The following ULK2 variants were observed in gnomAD, a reference collection of about 807,000 sequenced individuals.
ULK2 encodes serine/threonine-protein kinase ULK2.
In ULK2, 76 loss-of-function variants were observed where a neutral mutation model predicts 127.5. The observed-to-expected ratio is 0.60, with a 90% CI of 0.50 to 0.72. The LOEUF (loss-of-function observed/expected upper bound fraction) is 0.72. Ranked by LOEUF, ULK2 falls within the 30% of genes least tolerant of loss-of-function variation. The probability of loss-of-function intolerance (pLI) is 0.00; values close to 1 mark genes in which losing one functional copy is unlikely to be tolerated. For synonymous variants in ULK2, 452 were observed against 461.9 expected (o/e 0.98, Z 0.28); for missense variants, 1,144 against 1,295.9 (o/e 0.88, Z 1.80).
chr17:19,804,883 C>T, intron 14 of ULK2, 53 bp from the exon 15 acceptor site: 1 of 1,589,004 alleles, frequency 6.3e-7, no homozygotes, highest in Non-Finnish European at 8.6e-7. Flanking sequence ...GATTGTTTTT[C>T]TTTCATTTGA....
At chr17:19,829,240 A>C (rs2041370679) in intron 10 of ULK2, among the ~76,000 whole-genome samples, 1 of 152,214 alleles carries the variant, frequency 6.6e-6, no homozygotes, top group Non-Finnish European at 1.5e-5. Context: ...AAAGACAAAA[A>C]GTACGTTAAA....
intron 3 of ULK2, among the ~76,000 whole-genome samples, chr17:19,858,200 G>A (rs1291547784): frequency 1.3e-5 from 2 of 152,022 alleles, no homozygotes; most frequent in Non-Finnish European, 2.9e-5. Context: ...AGAAGTTTGA[G>A]ACCAGGCTGA....
At chr17:19,838,407 T>C in intron 10 of ULK2, 94 bp downstream of exon 10, 1 of 1,126,938 alleles carries the variant, frequency 8.9e-7, no homozygotes, top group Non-Finnish European at 1.3e-6. Context: ...AAAGTGAAAC[T>C]GACTTTAATT....
At chr17:19,804,236 G>A (rs202223882) in intron 15 of ULK2, among the ~76,000 whole-genome samples, 28 of 147,702 alleles carry the variant, frequency 1.9e-4, no homozygotes, top group Non-Finnish European at 1.6e-4. Flanking sequence ...AAAAGAAAAA[G>A]AAAAAAAAAA....
chr17:19,865,798 T>A lies in ULK2; in HGVS notation c.121A>T (p.Ile41Phe). 1 of 1,563,868 alleles carries A rather than the reference T, an allele frequency of 6.4e-7. No individual in the cohort carries two copies. The highest frequency in any genetic ancestry group is 2.3e-5 in the East Asian group (1 of 44,268). Residue 41 changes from isoleucine (I) to phenylalanine (F), a missense_variant, in exon 2 of 27, where the codon ATT (isoleucine) becomes TTT (phenylalanine). This residue lies in a region of ULK2 where 231 missense variants were observed against 325.4 expected (regional missense o/e 0.71). Transcript: ENST00000395544. Reference sequence around the variant, plus strand: ...GATTTTGACAAGTTCTTTTTATTAATACTTTTAATAGCTACCTCCCAATCA... The same window carrying A: ...GATTTTGACAAGTTCTTTTTATTAAAACTTTTAATAGCTACCTCCCAATCA... The part of the protein sequence containing the change: ...KTDWEVAIKS[I>F]NKKNLSKSQI...
chr17:19,823,667 T>C (rs1490651738), intron 12 of ULK2, among the ~76,000 whole-genome samples: 1 of 152,208 alleles, frequency 6.6e-6, no homozygotes, highest in Non-Finnish European at 1.5e-5. Context: ...AACAAGCCTA[T>C]GGTCCAGATG....
chr17:19,781,738 C>G, intron 23 of ULK2, 151 bp downstream of exon 23: 1 of 873,502 alleles, frequency 1.1e-6, no homozygotes, highest in Non-Finnish European at 1.7e-6. Flanking sequence ...GGTCTTGGCT[C>G]ATATAGTGAA....
At chr17:19,789,394 C>T (rs775522852) in intron 20 of ULK2, among the ~76,000 whole-genome samples, 22 of 152,182 alleles carry the variant, frequency 1.4e-4, no homozygotes, top group East Asian at 3.9e-4. Context: ...GCCCAAGTCC[C>T]GTCAAATACC....
At chr17:19,847,897 GCTTGA>G (rs1459011374) in intron 5 of ULK2, among the ~76,000 whole-genome samples, 1 of 152,124 alleles carries the variant, frequency 6.6e-6, no homozygotes, top group Non-Finnish European at 1.5e-5. Context: ...GTGGTTAACA[GCTTGA>G]CTTGAAGTCT....
chr17:19,843,323 A>T lies in ULK2; in HGVS notation c.544-101T>A, dbSNP rs1597800736. ...AAGGTGACACTTCTAACAAACTACC[A>T]GAATAAAACAACACCCTGTGATAGT... On this transcript the variant is annotated intron_variant, in intron 7 of 26. Transcript: ENST00000395544. 3 of 696,400 alleles carry T rather than the reference A, an allele frequency of 4.3e-6. No homozygotes were observed. In the East Asian group the frequency reaches 8.7e-5, roughly 20 times the overall value. 43.1% of individuals were successfully genotyped at this position (696,400 alleles called of 1,614,324 possible).
In ULK2 at chr17:19,790,583, G is replaced by A. The variant is rs190111643; in HGVS notation, c.2102-4497C>T. On this transcript the variant is annotated intron_variant, in intron 20 of 26. Coordinates refer to ENST00000395544, the MANE Select transcript of ULK2 (RefSeq NM_014683.4). ...TCACTAAAAGCAAGAAAGAGGGAGG[G>A]AAGAAGGAAGGAAGGAAAAAGAAGA... Among the ~76,000 whole-genome samples, 336 of 151,976 alleles carry A rather than the reference G, an allele frequency of 2.2e-3. 1 individual carries two copies. The highest frequency in any genetic ancestry group is 3.6e-3 in the Admixed American group (55 of 15,236).
At chr17:19,839,905 T>C (rs550023702) in intron 9 of ULK2, among the ~76,000 whole-genome samples, 1 of 151,826 alleles carries the variant, frequency 6.6e-6, no homozygotes, top group East Asian at 1.9e-4. Flanking sequence ...GTCTGACAAT[T>C]CCATTTCTAG....
chr17:19,816,006 T>TA (rs1178392645), intron 13 of ULK2, among the ~76,000 whole-genome samples: 42 of 152,342 alleles, frequency 2.8e-4, no homozygotes, highest in African/African-American at 9.9e-4. Flanking sequence ...AGCTAATACT[T>TA]AATTACATTC....
chr17:19,862,386 C>T (rs1250320597), intron 3 of ULK2, among the ~76,000 whole-genome samples: 5 of 151,818 alleles, frequency 3.3e-5, no homozygotes, highest in Non-Finnish European at 7.4e-5. Flanking sequence ...TGAGCCATCG[C>T]AACCAGGCAA....
At chr17:19,800,111 A>T (rs2087365187) in intron 16 of ULK2, among the ~76,000 whole-genome samples, 1 of 152,116 alleles carries the variant, frequency 6.6e-6, no homozygotes, top group African/African-American at 2.4e-5. Context: ...GACCTACACC[A>T]CAGTCTGAGA....
chr17:19,820,194 G>A (rs757083369), intron 12 of ULK2, among the ~76,000 whole-genome samples: 23 of 151,974 alleles, frequency 1.5e-4, no homozygotes, highest in African/African-American at 4.6e-4. Flanking sequence ...AACTACAGGC[G>A]CGCCCCACCA....
intron 16 of ULK2, 56 bp from the exon 17 acceptor site, chr17:19,799,631 A>G (rs1168610437): frequency 2.0e-6 from 3 of 1,474,788 alleles, no homozygotes; most frequent in Non-Finnish European, 1.8e-6. Flanking sequence ...TCAAAAACCA[A>G]TAAAAGATGG....
chr17:19,865,591 A>T, intron 2 of ULK2, 145 bp downstream of exon 2: 1 of 500,986 alleles, frequency 2.0e-6, no homozygotes, highest in Admixed American at 4.4e-5. Flanking sequence ...TCAATGTTTT[A>T]AAAAAGTGAG....
At chr17:19,859,381 T>C (rs1392024261) in intron 3 of ULK2, among the ~76,000 whole-genome samples, 5 of 151,886 alleles carry the variant, frequency 3.3e-5, no homozygotes, top group Non-Finnish European at 7.4e-5. Flanking sequence ...TATCCAGGCG[T>C]GGTGGCAGGC....
Sources: gnomAD v4.1 joint callset for allele counts (sites outside exome capture counted in the v4.1 genomes callset) on GRCh38, gnomAD v4.1.1 for gene constraint, gnomAD v4.1.1 regional missense constraint, MANE v1.5 for transcripts, NCBI Gene and HGNC (gene_info 2026-07-23, HGNC 2026-07-21) for gene names.